Variants in C1orf105 observed in about 807,000 individuals in gnomAD.
The protein encoded by C1orf105 is uncharacterized protein C1orf105.
C1orf105 carries 17 observed loss-of-function variants against 20.8 expected under a neutral mutation model. The ratio of observed to expected loss-of-function variants is 0.82; its 90% CI spans 0.56 to 1.23. The LOEUF (loss-of-function observed/expected upper bound fraction) is 1.23. Among genes scored for constraint, C1orf105 ranks in the 50% most tolerant of loss-of-function variants. The pLI is 0.00. For synonymous variants in C1orf105, 72 were observed against 72.1 expected (o/e 1.00, Z 0.01); for missense variants, 219 against 213.5 (o/e 1.03, Z -0.16).
intron 4 of C1orf105, 64 bp downstream of exon 4, chr1:172,456,553 C>A: frequency 1.3e-6 from 2 of 1,501,982 alleles, no homozygotes; most frequent in Non-Finnish European, 1.8e-6. Context: ...CCCTTCCCAG[C>A]CAAGCCCTGT....
rs147547233 is a variant in C1orf105 at position 172,465,594 on chromosome 1, T to A, written c.406+231T>A. 5 of 649,444 alleles carry A rather than the reference T, an allele frequency of 7.7e-6. No homozygotes were observed. The Admixed American group carries it at 1.0e-4, about 13-fold the overall frequency. 40.2% of individuals were successfully genotyped at this position (649,444 alleles called of 1,614,324 possible). On this transcript the variant is annotated intron_variant, in intron 6 of 6. Transcript: ENST00000367727. ...GCCTCACTTGCCCTTATACATGTCA[T>A]GTTCCTTCCCAGGATCTGTCCACAA... is the stretch of plus-strand genomic sequence containing the variant.
At chr1:172,432,404 G>A (rs2071900374) in intron 1 of C1orf105, among the ~76,000 whole-genome samples, 1 of 152,326 alleles carries the variant, frequency 6.6e-6, no homozygotes, top group East Asian at 1.9e-4. Context: ...GGAAGGATCA[G>A]GCAGCAATGT....
At chr1:172,458,377 A>T (rs1649461138) in intron 4 of C1orf105, among the ~76,000 whole-genome samples, 1 of 152,234 alleles carries the variant, frequency 6.6e-6, no homozygotes, top group Admixed American at 6.5e-5. Context: ...AGTGTTGAGG[A>T]TACAAGATCA....
rs2071566221 is a variant in C1orf105, at chr1:172,420,834, G to C, written c.-52G>C. On this transcript the variant is annotated 5_prime_UTR_variant, in exon 1 of 7. Coordinates refer to ENST00000367727, the MANE Select transcript of C1orf105 (RefSeq NM_139240.4). Reference sequence around the variant, plus strand: ...CCACTGGCCACAGTGAGGGGAGCTAGGTTTCCCCAGTCTCCAGCTAGAAAA... The same window carrying C: ...CCACTGGCCACAGTGAGGGGAGCTACGTTTCCCCAGTCTCCAGCTAGAAAA... The C allele has an allele frequency of 1.9e-6, 3 of 1,593,692 alleles. No individual in the cohort carries two copies. The highest frequency in any genetic ancestry group is 1.3e-5 in the African/African-American group (1 of 74,462).
chr1:172,435,245 T>C (rs1411389171), intron 1 of C1orf105, among the ~76,000 whole-genome samples: 1 of 152,222 alleles, frequency 6.6e-6, no homozygotes, highest in Non-Finnish European at 1.5e-5. Flanking sequence ...TAACTCATTT[T>C]ATGAGGTCAG....
At chr1:172,433,413 A>T (rs541025595) in intron 1 of C1orf105, among the ~76,000 whole-genome samples, 4 of 152,342 alleles carry the variant, frequency 2.6e-5, no homozygotes, top group African/African-American at 9.6e-5. Flanking sequence ...TCTCAGCAGA[A>T]ACCCTACAAG....
intron 1 of C1orf105, chr1:172,442,626 C>T (rs535366221): frequency 6.2e-6 from 10 of 1,603,794 alleles, no homozygotes; most frequent in Admixed American, 1.7e-5. Context: ...CATACATTAT[C>T]CTTTCATTCA....
chr1:172,460,945 G>A (rs767983936), intron 4 of C1orf105, among the ~76,000 whole-genome samples: 5 of 152,202 alleles, frequency 3.3e-5, no homozygotes, highest in African/African-American at 4.8e-5. Context: ...TCATACAATA[G>A]CGCTAGCTGG....
intron 1 of C1orf105, among the ~76,000 whole-genome samples, chr1:172,428,501 T>C (rs2071780513): frequency 6.6e-6 from 1 of 152,212 alleles, no homozygotes; most frequent in South Asian, 2.1e-4. Flanking sequence ...TCCCCACACA[T>C]GCCAGGTATT....
chr1:172,468,689 T>C lies in C1orf105; in HGVS notation c.*95T>C. 1.5e-6 allele frequency: 2 copies of C among 1,350,702 alleles called. No homozygotes were observed. The highest frequency in any genetic ancestry group is 3.0e-5 in the South Asian group (2 of 67,306). The allele number at this position is 1,350,702 out of a possible 1,614,324, so 83.7% of individuals were successfully genotyped here. The stretch of plus-strand genomic sequence containing the variant: ...GGCACCTTCTCCTCACAATTTTCTC[T>C]CTTCTCCCAAAAGATGATTTAATTT... On this transcript the variant is annotated 3_prime_UTR_variant, in exon 7 of 7. Transcript: ENST00000367727.
At position 172,462,183 on chromosome 1, in the gene C1orf105, A is replaced by G. The variant is rs759244946; in HGVS notation, c.279A>G (p.Gln93=). The G allele has an allele frequency of 1.2e-6, 2 of 1,608,858 alleles. No homozygotes were observed. The highest frequency in any genetic ancestry group is 8.5e-7 in the Non-Finnish European group (1 of 1,177,236). ...CSTCQEMKMV[Q]PRTMKIPDDP... is the part of the protein sequence containing the mutation. ...AATGAGACTTTCTTCTTGAGGTACAACCAAGAACAATGAAAATCCCAGATG... is the reference window on the plus strand; with the variant it reads ...AATGAGACTTTCTTCTTGAGGTACAGCCAAGAACAATGAAAATCCCAGATG... The change falls in exon 5 of 7, where the codon CAA becomes CAG. Residue 93 remains glutamine (Q), a synonymous_variant. Coordinates refer to ENST00000367727, the MANE Select transcript of C1orf105 (RefSeq NM_139240.4).
intron 1 of C1orf105, 138 bp from the exon 2 acceptor site, chr1:172,444,935 G>A: frequency 1.8e-6 from 1 of 568,104 alleles, no homozygotes; most frequent in Non-Finnish European, 3.0e-6. Flanking sequence ...CTACTTTATA[G>A]GATGGTTAAA....
chr1:172,431,671 CG>C (rs2071877997), intron 1 of C1orf105, among the ~76,000 whole-genome samples: 1 of 152,206 alleles, frequency 6.6e-6, no homozygotes, highest in African/African-American at 2.4e-5. Flanking sequence ...CCGGCGTGAT[CG>C]ATGCAGAAGA....
At chr1:172,445,305 G>A (rs535828215) in intron 2 of C1orf105, 147 bp downstream of exon 2, 2 of 704,362 alleles carry the variant, frequency 2.8e-6, no homozygotes, top group Admixed American at 3.1e-5. Flanking sequence ...AAATAATCCG[G>A]GTTTCTCAGA....
intron 1 of C1orf105, chr1:172,430,206 T>C (rs1553258167): frequency 1.6e-6 from 1 of 617,548 alleles, no homozygotes; most frequent in Non-Finnish European, 2.9e-6. Context: ...GGTTTAAATA[T>C]AAGAGACTGA....
chr1:172,425,607 C>A (rs1192283723), intron 1 of C1orf105, among the ~76,000 whole-genome samples: 1 of 152,078 alleles, frequency 6.6e-6, no homozygotes, highest in South Asian at 2.1e-4. Context: ...TTGGTCAAAC[C>A]CTGGCTCTCA....
At position 172,453,828 on chromosome 1, in the gene C1orf105, C is replaced by G. The variant is rs111297734; in HGVS notation, c.199-2587C>G. On this transcript the variant is annotated intron_variant, in intron 3 of 6. Transcript: ENST00000367727. ...TAGGAGGGTGAGAAATGGTAGCAGC[C>G]CAGGAGAAAGGTTTTCTGAGGATGT... is the stretch of plus-strand genomic sequence containing the variant. 2.5e-4 allele frequency among the ~76,000 whole-genome samples: 38 copies of G among 152,160 alleles called. 1 individual carries two copies. Among genetic ancestry groups the G allele is most frequent in the African/African-American group, 8.2e-4 (34 of 41,522 alleles).
At chr1:172,440,318 T>C (rs2072179131) in intron 1 of C1orf105, among the ~76,000 whole-genome samples, 1 of 152,228 alleles carries the variant, frequency 6.6e-6, no homozygotes, top group Non-Finnish European at 1.5e-5. Context: ...CTCTGCTCTC[T>C]TCAGGTTTTC....
At chr1:172,449,423 A>G (rs1648364375) in intron 3 of C1orf105, among the ~76,000 whole-genome samples, 1 of 152,102 alleles carries the variant, frequency 6.6e-6, no homozygotes, top group African/African-American at 2.4e-5. Context: ...ATGATTCAAG[A>G]GGAAGTGGCA....
Sources: gnomAD v4.1 joint callset for allele counts (sites outside exome capture counted in the v4.1 genomes callset) on GRCh38, gnomAD v4.1.1 for gene constraint, MANE v1.5 for transcripts, NCBI Gene and HGNC (gene_info 2026-07-23, HGNC 2026-07-21) for gene names.